Variants in OR5L2 observed in about 807,000 individuals in gnomAD.
OR5L2 encodes olfactory receptor 5L2.
For synonymous variants in OR5L2, 175 were observed against 151.6 expected (o/e 1.15, Z -1.13); for missense variants, 425 against 365.6 (o/e 1.16, Z -1.32).
Position 55,828,111 on chromosome 11 carries a change from A to G in OR5L2, c.893A>G (p.Asn298Ser), listed in dbSNP as rs1205446612. ...LIYSLRNKDV[N>S]KALRKVMGSK... is the part of the protein sequence containing the mutation. ...TACAGCCTGAGAAATAAGGATGTGA[A>G]CAAAGCTCTCAGAAAAGTGATGGGC... Residue 298 changes from asparagine (N) to serine (S), a missense_variant, in exon 1 of 1, where the codon AAC becomes AGC. Physicochemically the swap from Asn to Ser is conservative, Grantham distance 46. Transcript: ENST00000378397. 1 of 1,612,624 alleles carries G rather than the reference A, an allele frequency of 6.2e-7. No individual in the cohort carries two copies. Among genetic ancestry groups the G allele is most frequent in the South Asian group, 1.1e-5 (1 of 90,862 alleles).
Position 55,827,651 on chromosome 11 carries a change from A to T in OR5L2, c.433A>T (p.Thr145Ser). 4.3e-6 allele frequency: 7 copies of T among 1,613,448 alleles called. No individual in the cohort carries two copies. Among genetic ancestry groups the T allele is most frequent in the African/African-American group, 1.3e-5 (1 of 74,672 alleles). ...TMSQKLRVEL[T>S]SCCYFCGTVC... ...GTCTCAGAAGCTGCGTGTGGAGCTG[A>T]CCTCTTGCTGCTACTTCTGTGGGAC... The change falls in exon 1 of 1, where the codon ACC becomes TCC. Residue 145 changes from threonine (T) to serine (S), a missense_variant. Transcript: ENST00000378397.
At position 55,827,328 on chromosome 11, in the gene OR5L2, T is replaced by G. The variant is rs572762514; in HGVS notation, c.110T>G (p.Val37Gly). 20 of 1,613,724 alleles carry G rather than the reference T, an allele frequency of 1.2e-5. 1 individual carries two copies. The South Asian group carries it at 2.0e-4, about 16-fold the overall frequency. Residue 37 changes from valine to glycine, a missense_variant, in exon 1 of 1, where the codon GTC becomes GGC. Transcript: ENST00000378397. ...LFLLFLLIYG[V>G]TLLANLGMTA... ...CTGCTGTTCCTTCTCATCTATGGAG[T>G]CACGTTGTTAGCCAATCTGGGCATG...
rs1369968187 is a variant in OR5L2, at chr11:55,827,347, G to A, written c.129G>A (p.Leu43=). The part of the protein sequence containing the change: ...LIYGVTLLAN[L]GMTALIQVSS... ...ATGGAGTCACGTTGTTAGCCAATCT[G>A]GGCATGACTGCACTGATTCAGGTCA... The change falls in exon 1 of 1, where the codon CTG becomes CTA. Residue 43 remains leucine, a synonymous_variant. Transcript: ENST00000378397. 1.2e-6 allele frequency: 2 copies of A among 1,613,850 alleles called. No individual in the cohort carries two copies. Among genetic ancestry groups the A allele is most frequent in the Admixed American group, 3.3e-5 (2 of 59,998 alleles).
rs1322575266 is a variant in OR5L2 at position 55,827,619 on chromosome 11, T to C, written c.401T>C (p.Val134Ala). 6.2e-7 allele frequency: 1 copy of C among 1,613,910 alleles called. No homozygotes were observed. The highest frequency in any genetic ancestry group is 1.7e-5 in the Admixed American group (1 of 59,992). The change falls in exon 1 of 1, where the codon GTG becomes GCG. Residue 134 changes from valine (V) to alanine (A), a missense_variant. By Grantham distance (64) the Val-to-Ala change is moderately conservative. Coordinates refer to ENST00000378397, the MANE Select transcript of OR5L2 (RefSeq NM_001004739.1). Reference sequence around the variant, plus strand: ...ATCTGTAACCCCCTGCTGTACATGGTGACCATGTCTCAGAAGCTGCGTGTG... The same window carrying C: ...ATCTGTAACCCCCTGCTGTACATGGCGACCATGTCTCAGAAGCTGCGTGTG... Reference protein sequence around the residue: ...VAICNPLLYMVTMSQKLRVEL... With the variant: ...VAICNPLLYMATMSQKLRVEL...
rs148523172 is a variant in OR5L2, at chr11:55,827,697, C to A, written c.479C>A (p.Ser160Ter). The A allele has an allele frequency of 9.6e-5, 155 of 1,613,742 alleles. No individual in the cohort carries two copies. The highest frequency in any genetic ancestry group is 1.2e-4 in the Non-Finnish European group (144 of 1,179,970). Reference sequence around the variant, plus strand: ...GGGACGGTGTGTTCTCTGATTCACTCGTCCTTAGCTCTTAGGATCCTCTTC... The same window carrying A: ...GGGACGGTGTGTTCTCTGATTCACTAGTCCTTAGCTCTTAGGATCCTCTTC... ...FCGTVCSLIH[S>*]SLALRILFYR... Residue 160 changes from serine to a stop codon, truncating the protein, a stop_gained, in exon 1 of 1, where the codon TCG becomes TAG. Transcript: ENST00000378397. LOFTEE classifies it low-confidence loss of function (END_TRUNC).
Position 55,827,327 on chromosome 11 carries a change from G to C in OR5L2, c.109G>C (p.Val37Leu), listed in dbSNP as rs2134474197. 6.2e-7 allele frequency: 1 copy of C among 1,613,882 alleles called. No individual in the cohort carries two copies. The highest frequency in any genetic ancestry group is 8.5e-7 in the Non-Finnish European group (1 of 1,180,004). The change falls in exon 1 of 1, where the codon GTC (valine) becomes CTC (leucine). Residue 37 changes from valine to leucine, a missense_variant. Val to Leu is a conservative substitution (Grantham distance 32). Coordinates refer to ENST00000378397, the MANE Select transcript of OR5L2 (RefSeq NM_001004739.1). ...LFLLFLLIYGVTLLANLGMTA... is the reference protein window; with the variant it reads ...LFLLFLLIYGLTLLANLGMTA... ...CCTGCTGTTCCTTCTCATCTATGGA[G>C]TCACGTTGTTAGCCAATCTGGGCAT...
chr11:55,827,418 C>T lies in OR5L2; in HGVS notation c.200C>T (p.Ser67Phe), dbSNP rs567560850. ...TPVYFFLSHL[S>F]FVDFCYSSII... is the part of the protein sequence containing the mutation. ...GTGTACTTTTTCCTCAGCCACTTGT[C>T]CTTTGTAGATTTCTGCTACTCCTCA... is the stretch of plus-strand genomic sequence containing the variant. Residue 67 changes from serine to phenylalanine, a missense_variant, in exon 1 of 1, where the codon TCC becomes TTC. Coordinates refer to ENST00000378397, the MANE Select transcript of OR5L2 (RefSeq NM_001004739.1). 6.2e-7 allele frequency: 1 copy of T among 1,613,966 alleles called. No homozygotes were observed. The highest frequency in any genetic ancestry group is 8.5e-7 in the Non-Finnish European group (1 of 1,179,998).
Position 55,827,839 on chromosome 11 carries a change from G to C in OR5L2, c.621G>C (p.Glu207Asp). 1.2e-6 allele frequency: 2 copies of C among 1,613,876 alleles called. No homozygotes were observed. The highest frequency in any genetic ancestry group is 1.7e-6 in the Non-Finnish European group (2 of 1,179,986). The part of the protein sequence containing the change: ...TLLFLVATLN[E>D]SVTIMIILTS... ...TGTTCCTGGTGGCCACTTTGAATGAGAGTGTTACCATCATGATCATCCTCA... is the reference window on the plus strand; with the variant it reads ...TGTTCCTGGTGGCCACTTTGAATGACAGTGTTACCATCATGATCATCCTCA... Residue 207 changes from glutamate (E) to aspartate (D), a missense_variant, in exon 1 of 1, where the codon GAG becomes GAC. Glu to Asp is a conservative substitution (Grantham distance 45). Coordinates refer to ENST00000378397, the MANE Select transcript of OR5L2 (RefSeq NM_001004739.1).
Position 55,827,345 on chromosome 11 carries a change from C to A in OR5L2, c.127C>A (p.Leu43Met). 4 of 1,613,966 alleles carry A rather than the reference C, an allele frequency of 2.5e-6. No individual in the cohort carries two copies. The highest frequency in any genetic ancestry group is 3.4e-6 in the Non-Finnish European group (4 of 1,180,006). ...CTATGGAGTCACGTTGTTAGCCAATCTGGGCATGACTGCACTGATTCAGGT... is the reference window on the plus strand; with the variant it reads ...CTATGGAGTCACGTTGTTAGCCAATATGGGCATGACTGCACTGATTCAGGT... The part of the protein sequence containing the change: ...LIYGVTLLAN[L>M]GMTALIQVSS... The change falls in exon 1 of 1, where the codon CTG (leucine) becomes ATG (methionine). Residue 43 changes from leucine to methionine, a missense_variant. By Grantham distance (15) the Leu-to-Met change is conservative (BLOSUM62 2). Coordinates refer to ENST00000378397, the MANE Select transcript of OR5L2 (RefSeq NM_001004739.1).
At position 55,828,029 on chromosome 11, in the gene OR5L2, G is replaced by C. The variant is rs775423914; in HGVS notation, c.811G>C (p.Asp271His). 3.1e-6 allele frequency: 5 copies of C among 1,613,544 alleles called. No individual in the cohort carries two copies. The highest frequency in any genetic ancestry group is 4.2e-6 in the Non-Finnish European group (5 of 1,179,776). Reference protein sequence around the residue: ...RPSSGNSGDVDKVATVFYTVV... With the variant: ...RPSSGNSGDVHKVATVFYTVV... ...GAGTTCAGGCAACAGTGGAGATGTT[G>C]ACAAAGTGGCCACCGTGTTCTACAC... Residue 271 changes from aspartate (D) to histidine (H), a missense_variant, in exon 1 of 1, where the codon GAC (aspartate) becomes CAC (histidine). Physicochemically the swap from Asp to His is moderately conservative, Grantham distance 81. Coordinates refer to ENST00000378397, the MANE Select transcript of OR5L2 (RefSeq NM_001004739.1).
rs1853901565 is a variant in OR5L2 at position 55,827,410 on chromosome 11, C to T, written c.192C>T (p.Ser64=). The T allele has an allele frequency of 1.2e-6, 2 of 1,614,034 alleles. No homozygotes were observed. The highest frequency in any genetic ancestry group is 1.1e-5 in the South Asian group (1 of 91,082). The part of the protein sequence containing the change: ...RLHTPVYFFL[S]HLSFVDFCYS... The stretch of plus-strand genomic sequence containing the variant: ...ACACCCCCGTGTACTTTTTCCTCAG[C>T]CACTTGTCCTTTGTAGATTTCTGCT... Residue 64 remains serine (S), a synonymous_variant, in exon 1 of 1, where the codon AGC becomes AGT. Transcript: ENST00000378397.
At position 55,827,258 on chromosome 11, in the gene OR5L2, C is replaced by T. The variant is rs2134473957; in HGVS notation, c.40C>T (p.Leu14Phe). ...CTGCACCACTGTGGCTGAGTTCATTCTCCTTGGACTATCAGATGTCCCTGA... is the reference window on the plus strand; with the variant it reads ...CTGCACCACTGTGGCTGAGTTCATTTTCCTTGGACTATCAGATGTCCCTGA... The part of the protein sequence containing the change: ...ENCTTVAEFI[L>F]LGLSDVPELR... The change falls in exon 1 of 1, where the codon CTC becomes TTC. Residue 14 changes from leucine (L) to phenylalanine (F), a missense_variant. Leu to Phe is a conservative substitution (Grantham distance 22, BLOSUM62 0). Transcript: ENST00000378397. 2 of 1,613,764 alleles carry T rather than the reference C, an allele frequency of 1.2e-6. No individual in the cohort carries two copies. The highest frequency in any genetic ancestry group is 1.7e-6 in the Non-Finnish European group (2 of 1,179,904).
At position 55,827,887 on chromosome 11, in the gene OR5L2, C is replaced by A; in HGVS notation, c.669C>A (p.Thr223=). 1.2e-6 allele frequency: 2 copies of A among 1,613,926 alleles called. No individual in the cohort carries two copies. Among genetic ancestry groups the A allele is most frequent in the Non-Finnish European group, 1.7e-6 (2 of 1,179,994 alleles). ...TCACCTCCTACCTGCTAATTCTCAC[C>A]ACTATCCTGAAGATACACTCTGCAG... is the stretch of plus-strand genomic sequence containing the variant. ...IILTSYLLIL[T]TILKIHSAES... The change falls in exon 1 of 1, where the codon ACC becomes ACA. Residue 223 remains threonine, a synonymous_variant. Coordinates refer to ENST00000378397, the MANE Select transcript of OR5L2 (RefSeq NM_001004739.1).
Position 55,828,075 on chromosome 11 carries a change from A to T in OR5L2, c.857A>T (p.Asn286Ile), listed in dbSNP as rs1234696851. The T allele has an allele frequency of 2.5e-6, 4 of 1,613,558 alleles. No homozygotes were observed. Among genetic ancestry groups the T allele is most frequent in the Non-Finnish European group, 2.5e-6 (3 of 1,179,886 alleles). Reference protein sequence around the residue: ...VFYTVVIPMLNPLIYSLRNKD... With the variant: ...VFYTVVIPMLIPLIYSLRNKD... ...TACACAGTTGTGATTCCCATGCTGA[A>T]CCCCCTGATCTACAGCCTGAGAAAT... Residue 286 changes from asparagine to isoleucine, a missense_variant, in exon 1 of 1, where the codon AAC becomes ATC. By Grantham distance (149) the Asn-to-Ile change is moderately radical. Coordinates refer to ENST00000378397, the MANE Select transcript of OR5L2 (RefSeq NM_001004739.1).
chr11:55,827,452 G>A lies in OR5L2; in HGVS notation c.234G>A (p.Val78=), dbSNP rs1194083604. The A allele has an allele frequency of 2.5e-6, 4 of 1,613,946 alleles. 1 individual carries two copies. The East Asian group carries it at 6.7e-5, about 27-fold the overall frequency. ...FVDFCYSSII[V]PKMLANIFNK... Reference sequence around the variant, plus strand: ...ATTTCTGCTACTCCTCAATAATTGTGCCAAAGATGTTGGCTAATATCTTTA... The same window carrying A: ...ATTTCTGCTACTCCTCAATAATTGTACCAAAGATGTTGGCTAATATCTTTA... Residue 78 remains valine (V), a synonymous_variant, in exon 1 of 1, where the codon GTG becomes GTA. Coordinates refer to ENST00000378397, the MANE Select transcript of OR5L2 (RefSeq NM_001004739.1).
At position 55,827,871 on chromosome 11, in the gene OR5L2, A is replaced by G; in HGVS notation, c.653A>G (p.Tyr218Cys). Reference protein sequence around the residue: ...SVTIMIILTSYLLILTTILKI... With the variant: ...SVTIMIILTSCLLILTTILKI... Reference sequence around the variant, plus strand: ...ACCATCATGATCATCCTCACCTCCTACCTGCTAATTCTCACCACTATCCTG... The same window carrying G: ...ACCATCATGATCATCCTCACCTCCTGCCTGCTAATTCTCACCACTATCCTG... The change falls in exon 1 of 1, where the codon TAC becomes TGC. Residue 218 changes from tyrosine (Y) to cysteine (C), a missense_variant. By Grantham distance (194) the Tyr-to-Cys change is radical. Transcript: ENST00000378397. The G allele has an allele frequency of 6.2e-7, 1 of 1,613,782 alleles. No individual in the cohort carries two copies. The highest frequency in any genetic ancestry group is 8.5e-7 in the Non-Finnish European group (1 of 1,179,956).
Position 55,828,030 on chromosome 11 carries a change from A to G in OR5L2, c.812A>G (p.Asp271Gly), listed in dbSNP as rs1425478465. Residue 271 changes from aspartate to glycine, a missense_variant, in exon 1 of 1, where the codon GAC (aspartate) becomes GGC (glycine). Asp to Gly is a moderately conservative substitution (Grantham distance 94). Transcript: ENST00000378397. ...RPSSGNSGDV[D>G]KVATVFYTVV... ...AGTTCAGGCAACAGTGGAGATGTTG[A>G]CAAAGTGGCCACCGTGTTCTACACA... 2 of 1,613,830 alleles carry G rather than the reference A, an allele frequency of 1.2e-6. No individual in the cohort carries two copies. Among genetic ancestry groups the G allele is most frequent in the East Asian group, 4.5e-5 (2 of 44,864 alleles).
In OR5L2 at chr11:55,827,977, A is replaced by C. The variant is rs1168473272; in HGVS notation, c.759A>C (p.Gly253=). 1.2e-6 allele frequency: 2 copies of C among 1,613,900 alleles called. No homozygotes were observed. The highest frequency in any genetic ancestry group is 1.7e-6 in the Non-Finnish European group (2 of 1,179,972). Residue 253 remains glycine, a synonymous_variant, in exon 1 of 1, where the codon GGA becomes GGC. Transcript: ENST00000378397. ...TCACAGCCATCACTGTCTCCCATGG[A>C]ACAATCCTTTACATTTATTGCAGGC... The part of the protein sequence containing the change: ...SHLTAITVSH[G]TILYIYCRPS...
rs182152574 is a variant in OR5L2 at position 55,827,340 on chromosome 11, C to T, written c.122C>T (p.Ala41Val). The part of the protein sequence containing the change: ...FLLIYGVTLL[A>V]NLGMTALIQV... The stretch of plus-strand genomic sequence containing the variant: ...CTCATCTATGGAGTCACGTTGTTAG[C>T]CAATCTGGGCATGACTGCACTGATT... Residue 41 changes from alanine to valine, a missense_variant, in exon 1 of 1, where the codon GCC becomes GTC. Coordinates refer to ENST00000378397, the MANE Select transcript of OR5L2 (RefSeq NM_001004739.1). 23 of 1,613,946 alleles carry T rather than the reference C, an allele frequency of 1.4e-5. No homozygotes were observed. The African/African-American group carries it at 1.9e-4, about 13-fold the overall frequency.
Sources: allele counts gnomAD v4.1 joint callset, GRCh38; gene constraint gnomAD v4.1.1; transcripts MANE v1.5; gene names NCBI Gene and HGNC (gene_info 2026-07-23, HGNC 2026-07-21).